Variants in PABPC4 observed in about 807,000 individuals in gnomAD.
The protein encoded by PABPC4 is poly(A) binding protein cytoplasmic 4.
A neutral mutation model predicts 74.5 loss-of-function variants in PABPC4; 15 were observed. The ratio of observed to expected loss-of-function variants is 0.20; its 90% CI spans 0.13 to 0.31. The LOEUF (loss-of-function observed/expected upper bound fraction) is 0.31, where lower values mean the gene tolerates loss of function less well. Ranked by LOEUF, PABPC4 falls within the 10% of genes least tolerant of loss-of-function variation. The probability of loss-of-function intolerance (pLI) is 1.00; values close to 1 mark genes in which losing one functional copy is unlikely to be tolerated. For synonymous variants in PABPC4, 345 were observed against 303.0 expected (o/e 1.14, Z -1.44); for missense variants, 610 against 853.5 (o/e 0.71, Z 3.55).
At chr1:39,574,484 G>A (rs1334979318) in intron 1 of PABPC4, among the ~76,000 whole-genome samples, 1 of 152,188 alleles carries the variant, frequency 6.6e-6, no homozygotes. Context: ...ATCTCTAAGT[G>A]ACACGACTTT....
chr1:39,561,159 T>C (rs1645763380), intron 15 of PABPC4, 37 bp from the exon 16 acceptor site: 1 of 470,186 alleles, frequency 2.1e-6, no homozygotes, highest in South Asian at 1.6e-5. Context: ...AAATGCATAA[T>C]CAAATAATTT....
At chr1:39,564,622 G>A in intron 9 of PABPC4, 64 bp downstream of exon 9, 4 of 1,609,520 alleles carry the variant, frequency 2.5e-6, no homozygotes, top group East Asian at 4.5e-5. Flanking sequence ...GGGGAAGAAG[G>A]AAAGGCAGGG....
chr1:39,570,629 T>C (rs549502636), intron 3 of PABPC4: 4 of 155,160 alleles, frequency 2.6e-5, no homozygotes, highest in African/African-American at 9.6e-5. Flanking sequence ...CTTTGGTAAG[T>C]TCCCCCTCTC....
chr1:39,576,162 G>GGCTCTCCGCACAATACGGC lies in PABPC4; in HGVS notation c.-230_-212dup. On this transcript the variant is annotated 5_prime_UTR_variant, in exon 1 of 16. Transcript: ENST00000372858. ...CACGGCCGCAGCACCGCAGACAAAA[G>GGCTCTCCGCACAATACGGC]GCTCTCCGCACAATACGGCCCTCCC... 4.0e-6 allele frequency: 2 copies of GGCTCTCCGCACAATACGGC among 496,562 alleles called. No individual in the cohort carries two copies. The highest frequency in any genetic ancestry group is 7.1e-6 in the Non-Finnish European group (2 of 280,992). 30.8% of individuals were successfully genotyped at this position (496,562 alleles called of 1,614,324 possible).
chr1:39,571,163 T>C (rs1180917970), intron 3 of PABPC4, 71 bp downstream of exon 3: 2 of 1,608,856 alleles, frequency 1.2e-6, no homozygotes, highest in Non-Finnish European at 1.7e-6. Context: ...GCCTTGTGTG[T>C]GCCAGTTAAT....
intron 3 of PABPC4, among the ~76,000 whole-genome samples, 162 bp from the exon 4 acceptor site, chr1:39,570,164 G>C (rs943934282): frequency 1.3e-5 from 2 of 152,222 alleles, no homozygotes; most frequent in African/African-American, 4.8e-5. Flanking sequence ...CCAGCAGAAA[G>C]AGAAAAAGGC....
In PABPC4 at chr1:39,576,049, G is replaced by A. The variant is rs1323957287; in HGVS notation, c.-98C>T. On this transcript the variant is annotated 5_prime_UTR_variant, in exon 1 of 16. Transcript: ENST00000372858. ...CCTTCGGAGCCCGGGCCCGCGCCGC[G>A]GCTCACAGGTGGCACCGGCGCGGCG... 20 of 851,064 alleles carry A rather than the reference G, an allele frequency of 2.3e-5. No homozygotes were observed. Among genetic ancestry groups the A allele is most frequent in the Non-Finnish European group, 3.2e-5 (19 of 591,784 alleles). 52.7% of individuals were successfully genotyped at this position (851,064 alleles called of 1,614,324 possible).
intron 10 of PABPC4, 113 bp downstream of exon 10, chr1:39,564,310 C>A: frequency 7.8e-7 from 1 of 1,286,998 alleles, no homozygotes; most frequent in Non-Finnish European, 1.1e-6. Context: ...GCTAAGATTA[C>A]AGAACCAGGA....
chr1:39,562,512 G>T, intron 12 of PABPC4, 96 bp from the exon 13 acceptor site: 1 of 848,106 alleles, frequency 1.2e-6, no homozygotes, highest in African/African-American at 1.7e-5. Flanking sequence ...CTGACTATGT[G>T]AAAGAGGAGA....
intron 1 of PABPC4, 59 bp from the exon 2 acceptor site, chr1:39,572,645 A>T: frequency 7.3e-7 from 1 of 1,361,740 alleles, no homozygotes; most frequent in East Asian, 2.3e-5. Flanking sequence ...ACAGGCCAAC[A>T]GCCTAAGAAC....
intron 3 of PABPC4, chr1:39,570,989 CACAG>C (rs1645931594): frequency 5.4e-6 from 7 of 1,289,608 alleles, no homozygotes; most frequent in Middle Eastern, 2.9e-4. Flanking sequence ...TCACAAAACC[CACAG>C]ACAGATGCCT....
Position 39,571,851 on chromosome 1 carries a change from TGACA to T in PABPC4, c.388-506_388-503del, listed in dbSNP as rs1645945917. 5 of 273,080 alleles carry T rather than the reference TGACA, an allele frequency of 1.8e-5. No individual in the cohort carries two copies. The Admixed American group carries it at 2.3e-4, about 12-fold the overall frequency. The allele number at this position is 273,080 out of a possible 1,614,324, so 16.9% of individuals were successfully genotyped here. A position where few individuals can be genotyped will look rare whatever the true frequency, so the allele number is the denominator to read the frequency against. On this transcript the variant is annotated intron_variant, in intron 2 of 15. Transcript: ENST00000372858. ...CTAGACCACTGCACTCCACCCTGGGTGACAGACAGAGCAAGACTCTGTCTCTTTA... is the reference window on the plus strand; with the variant it reads ...CTAGACCACTGCACTCCACCCTGGGTGACAGAGCAAGACTCTGTCTCTTTA...
chr1:39,568,778 T>C (rs1490738759), intron 6 of PABPC4, 24 bp downstream of exon 6: 19 of 1,606,364 alleles, frequency 1.2e-5, no homozygotes, highest in Non-Finnish European at 1.6e-5. Flanking sequence ...ATCCCATTGC[T>C]AGGCTGGGCC....
At chr1:39,565,505 C>T in intron 7 of PABPC4, 127 bp from the exon 8 acceptor site, 1 of 909,128 alleles carries the variant, frequency 1.1e-6, no homozygotes, top group East Asian at 2.4e-5. Context: ...AGGTTGAGAC[C>T]AGCTTGAGCA....
rs1421303074 is a variant in PABPC4, at chr1:39,576,407, C to T, written c.-456G>A. 1 of 152,140 alleles carries T rather than the reference C, an allele frequency of 6.6e-6. No homozygotes were observed. Among genetic ancestry groups the T allele is most frequent in the Non-Finnish European group, 1.5e-5 (1 of 68,106 alleles). The allele number at this position is 152,140 out of a possible 1,614,324, so 9.4% of individuals were successfully genotyped here. A position where few individuals can be genotyped will look rare whatever the true frequency, so the allele number is the denominator to read the frequency against. On this transcript the variant is annotated 5_prime_UTR_variant, in exon 1 of 16. Coordinates refer to ENST00000372858, the MANE Select transcript of PABPC4 (RefSeq NM_001135653.2). ...TTACAACCGCCGGGGCAGAGGGAAA[C>T]CAAATCTTTGTGGGCGCCGACTCGG...
chr1:39,571,455 A>C, intron 2 of PABPC4, 106 bp from the exon 3 acceptor site: 1 of 1,334,066 alleles, frequency 7.5e-7, no homozygotes, highest in Non-Finnish European at 1.1e-6. Flanking sequence ...TCCATGGCCA[A>C]TGGTGGTCAA....
rs778639658 is a variant in PABPC4 at position 39,569,904 on chromosome 1, T to C, written c.602A>G (p.Glu201Gly). The C allele has an allele frequency of 1.9e-6, 3 of 1,614,052 alleles. No homozygotes were observed. In the East Asian group the frequency reaches 6.7e-5, roughly 36 times the overall value. ...TNVYIKNFGE[E>G]VDDESLKELF... ...CTCTTTCAGACTCTCATCATCCACC[T>C]CTTCCCCAAAGTTTTTGATATAAAC... The change falls in exon 4 of 16, where the codon GAG becomes GGG. Residue 201 changes from glutamate (E) to glycine (G), a missense_variant. Glu to Gly is a moderately conservative substitution (Grantham distance 98, BLOSUM62 -2). Transcript: ENST00000372858.
chr1:39,576,009 C>A lies in PABPC4; in HGVS notation c.-58G>T. On this transcript the variant is annotated 5_prime_UTR_variant, in exon 1 of 16. Coordinates refer to ENST00000372858, the MANE Select transcript of PABPC4 (RefSeq NM_001135653.2). The stretch of plus-strand genomic sequence containing the variant: ...GGAGGACTTCTTATCGGGCCCGCCG[C>A]AGGACAAAGGGGCGCCTTCGGAGCC... The A allele has an allele frequency of 7.9e-7, 1 of 1,271,352 alleles. No individual in the cohort carries two copies. The allele number at this position is 1,271,352 out of a possible 1,614,324, so 78.8% of individuals were successfully genotyped here. A position where few individuals can be genotyped will look rare whatever the true frequency, so the allele number is the denominator to read the frequency against.
In PABPC4 at chr1:39,572,609, A is replaced by C. The variant is rs1297055778; in HGVS notation, c.194-23T>G. The C allele has an allele frequency of 1.9e-6, 3 of 1,598,068 alleles. No individual in the cohort carries two copies. In the Admixed American group the frequency reaches 5.1e-5, roughly 27 times the overall value. On this transcript the variant is annotated intron_variant, in intron 1 of 15. Transcript: ENST00000372858. ...CAGCTGTAAGAGAGAAACACATTTC[A>C]ATAAGGAGAGAAAACGTCAGCTCCC...
Sources: gnomAD v4.1 joint callset for allele counts (sites outside exome capture counted in the v4.1 genomes callset) on GRCh38, gnomAD v4.1.1 for gene constraint, MANE v1.5 for transcripts, NCBI Gene and HGNC (gene_info 2026-07-23, HGNC 2026-07-21) for gene names.